The following KMO variants were observed in gnomAD, a reference collection of about 807,000 sequenced individuals.
KMO encodes the protein kynurenine 3-monooxygenase.
Under a neutral mutation model 57.8 loss-of-function variants are expected in KMO, and 24 were observed. That is an observed-to-expected ratio of 0.42 (90% CI 0.30 to 0.58). The LOEUF (loss-of-function observed/expected upper bound fraction) is 0.58. Ranked by LOEUF, KMO falls within the 20% of genes least tolerant of loss-of-function variation. KMO has a pLI of 0.22. For synonymous variants in KMO, 210 were observed against 193.6 expected (o/e 1.08, Z -0.70); for missense variants, 483 against 588.2 (o/e 0.82, Z 1.85).
At chr1:241,534,003 TG>T (rs1028080982) in intron 1 of KMO, among the ~76,000 whole-genome samples, 3 of 152,254 alleles carry the variant, frequency 2.0e-5, no homozygotes, top group Non-Finnish European at 4.4e-5. Context: ...AGGCAGGAAC[TG>T]CCTGAGGCCA....
chr1:241,578,051 T>A (rs907717679), intron 10 of KMO, among the ~76,000 whole-genome samples: 5 of 152,244 alleles, frequency 3.3e-5, no homozygotes, highest in Middle Eastern at 3.4e-3. Flanking sequence ...GAGTTGTGAC[T>A]CTCCCTCTTG....
intron 1 of KMO, among the ~76,000 whole-genome samples, chr1:241,539,234 A>G (rs1323277600): frequency 3.9e-5 from 6 of 152,086 alleles, no homozygotes; most frequent in Admixed American, 1.3e-4. Flanking sequence ...ACACAAAAAA[A>G]TTAGCCAGGC....
At position 241,572,830 on chromosome 1, in the gene KMO, T is replaced by C. The variant is rs180833764; in HGVS notation, c.957+4183T>C. ...TTCTGAGTCACCAAAGCCCATTATATTACTCTGCGTTTCTGTACTCATAAT... is the reference window on the plus strand; with the variant it reads ...TTCTGAGTCACCAAAGCCCATTATACTACTCTGCGTTTCTGTACTCATAAT... On this transcript the variant is annotated intron_variant, in intron 10 of 14. Transcript: ENST00000366559. 1.5e-3 allele frequency among the ~76,000 whole-genome samples: 231 copies of C among 152,256 alleles called. 4 individuals are homozygous for C. The highest frequency in any genetic ancestry group is 5.1e-3 in the African/African-American group (212 of 41,554).
chr1:241,533,011 G>A (rs916934869), intron 1 of KMO, among the ~76,000 whole-genome samples: 1 of 152,218 alleles, frequency 6.6e-6, no homozygotes, highest in Non-Finnish European at 1.5e-5. Context: ...TTATGTGGTC[G>A]CCTGACTTAC....
At chr1:241,541,409 G>T (rs544664509) in intron 1 of KMO, among the ~76,000 whole-genome samples, 1 of 152,192 alleles carries the variant, frequency 6.6e-6, no homozygotes, top group Non-Finnish European at 1.5e-5. Flanking sequence ...GAATACAGAA[G>T]AAGGAGAATG....
intron 10 of KMO, among the ~76,000 whole-genome samples, chr1:241,570,435 C>T (rs1328415483): frequency 6.6e-6 from 1 of 152,032 alleles, no homozygotes; most frequent in Admixed American, 6.6e-5. Context: ...CTTTAATCCA[C>T]TTTCATTTTA....
intron 10 of KMO, among the ~76,000 whole-genome samples, chr1:241,580,556 T>G (rs1264937272): frequency 6.6e-6 from 1 of 152,178 alleles, no homozygotes; most frequent in African/African-American, 2.4e-5. Context: ...CATTTTCATT[T>G]GTTTCAAGAA....
rs111476958 is a variant in KMO, at chr1:241,532,458, T to C, written c.14T>C (p.Val5Ala). 82 of 1,611,052 alleles carry C rather than the reference T, an allele frequency of 5.1e-5. 1 individual carries two copies. In the African/African-American group the frequency reaches 9.2e-4, roughly 18 times the overall value. The stretch of plus-strand genomic sequence containing the variant: ...ACTTCAGCAGTTATGGACTCATCTG[T>C]CATTCAAAGGAAAAAAGTAGCTGTC... Reference protein sequence around the residue: MDSSVIQRKKVAVIG... With the variant: MDSSAIQRKKVAVIG... The change falls in exon 1 of 15, where the codon GTC becomes GCC. Residue 5 changes from valine (V) to alanine (A), a missense_variant. This residue lies in a region of KMO where 70 missense variants were observed against 78.4 expected (regional missense o/e 0.89). Coordinates refer to ENST00000366559, the MANE Select transcript of KMO (RefSeq NM_003679.5).
chr1:241,556,168 C>G (rs1483156220), intron 5 of KMO, among the ~76,000 whole-genome samples: 1 of 152,206 alleles, frequency 6.6e-6, no homozygotes, highest in East Asian at 1.9e-4. Context: ...CGAAGTCTTG[C>G]TGTCACCCAG....
In KMO at chr1:241,537,850, G is replaced by A. The variant is rs146913958; in HGVS notation, c.54+5352G>A. The stretch of plus-strand genomic sequence containing the variant: ...CAATCCCATGATTCAATTACCTACC[G>A]CTGGGTCCCTCCCACAACACATGAG... On this transcript the variant is annotated intron_variant, in intron 1 of 14. Transcript: ENST00000366559. Among the ~76,000 whole-genome samples the A allele has an allele frequency of 6.1e-3, 928 of 152,170 alleles. 9 individuals carry two copies. The highest frequency in any genetic ancestry group is 0.021 in the African/African-American group (884 of 41,486).
chr1:241,563,661 A>G (rs1276711176), intron 7 of KMO, among the ~76,000 whole-genome samples: 1 of 152,226 alleles, frequency 6.6e-6, no homozygotes, highest in Non-Finnish European at 1.5e-5. Flanking sequence ...TGCTTGCTAA[A>G]GTAGATTTAA....
At chr1:241,550,105 G>A (rs115638954) in intron 3 of KMO, 2,074 of 190,072 alleles carry the variant, frequency 0.011, 58 homozygotes, top group African/African-American at 0.046. Flanking sequence ...GCACAGGCCC[G>A]TAATATCTTA....
intron 11 of KMO, among the ~76,000 whole-genome samples, chr1:241,588,059 C>T (rs184501915): frequency 6.6e-6 from 1 of 152,294 alleles, no homozygotes; most frequent in East Asian, 1.9e-4. Context: ...TCCTGACTTG[C>T]CAACTTATTA....
At chr1:241,576,550 A>G (rs948043674) in intron 10 of KMO, among the ~76,000 whole-genome samples, 7 of 152,118 alleles carry the variant, frequency 4.6e-5, no homozygotes, top group Non-Finnish European at 1.0e-4. Context: ...TTCTTGGGTG[A>G]CAGTTATTCT....
chr1:241,590,799 C>G (rs1663264722), intron 14 of KMO, among the ~76,000 whole-genome samples: 1 of 152,108 alleles, frequency 6.6e-6, no homozygotes, highest in Non-Finnish European at 1.5e-5. Flanking sequence ...TGAACATGAC[C>G]AGTTCACACC....
At chr1:241,586,270 C>T (rs1403052861) in intron 10 of KMO, among the ~76,000 whole-genome samples, 1 of 142,110 alleles carries the variant, frequency 7.0e-6, no homozygotes, top group Non-Finnish European at 1.5e-5. Context: ...GCGATCTCGG[C>T]TCACTGCAAC....
rs1663445793 is a variant in KMO at position 241,594,714 on chromosome 1, G to A, written c.*2561G>A. Reference sequence around the variant, plus strand: ...AAACTGGGCAGAGAAAAAATAAAGTGGAATATTAAGTAAAAGTTGGGCACT... The same window carrying A: ...AAACTGGGCAGAGAAAAAATAAAGTAGAATATTAAGTAAAAGTTGGGCACT... On this transcript the variant is annotated 3_prime_UTR_variant, in exon 15 of 15. Coordinates refer to ENST00000366559, the MANE Select transcript of KMO (RefSeq NM_003679.5). 6.2e-7 allele frequency: 1 copy of A among 1,602,302 alleles called. No homozygotes were observed. Among genetic ancestry groups the A allele is most frequent in the South Asian group, 1.1e-5 (1 of 89,140 alleles).
chr1:241,575,154 CTT>C (rs1464102081), intron 10 of KMO, among the ~76,000 whole-genome samples: 4 of 152,030 alleles, frequency 2.6e-5, no homozygotes, highest in African/African-American at 4.8e-5. Context: ...TGAATCTTCT[CTT>C]ATATTTTCTT....
At chr1:241,586,125 C>A (rs1286856904) in intron 10 of KMO, among the ~76,000 whole-genome samples, 2 of 148,636 alleles carry the variant, frequency 1.3e-5, no homozygotes, top group Non-Finnish European at 3.0e-5. Context: ...GGTCGAATTT[C>A]AGATCACTGT....
Sources: gnomAD v4.1 joint callset for allele counts (sites outside exome capture counted in the v4.1 genomes callset) on GRCh38, gnomAD v4.1.1 for gene constraint, gnomAD v4.1.1 regional missense constraint, MANE v1.5 for transcripts, NCBI Gene and HGNC (gene_info 2026-07-23, HGNC 2026-07-21) for gene names.